FMN1: variants seen among roughly 807,000 people sequenced by gnomAD.
FMN1 encodes formin-1.
A neutral mutation model predicts 132.4 loss-of-function variants in FMN1; 110 were observed. That is an observed-to-expected ratio of 0.83 (90% CI 0.71 to 0.97). FMN1 has a LOEUF of 0.97. Ranked by LOEUF, FMN1 falls within the 50% of genes least tolerant of loss-of-function variation. The probability of loss-of-function intolerance (pLI) is 0.00; values close to 1 mark genes in which losing one functional copy is unlikely to be tolerated. For synonymous variants in FMN1, 722 were observed against 651.7 expected (o/e 1.11, Z -1.64); for missense variants, 1,792 against 1,705.3 (o/e 1.05, Z -0.90).
chr15:33,033,089 GGTA>G, intron 6 of FMN1, among the ~76,000 whole-genome samples: 1 of 152,118 alleles, frequency 6.6e-6, no homozygotes, highest in Non-Finnish European at 1.5e-5. Context: ...GGAGTGCAGT[GGTA>G]CGATCTCGGC....
chr15:32,928,638 G>A (rs1280634758), intron 9 of FMN1, among the ~76,000 whole-genome samples: 2 of 152,132 alleles, frequency 1.3e-5, no homozygotes, highest in African/African-American at 2.4e-5. Flanking sequence ...AAAGAGAAAC[G>A]TTTTGGGAAT....
intron 5 of FMN1, among the ~76,000 whole-genome samples, chr15:33,066,003 AT>A (rs1371583498): frequency 2.0e-5 from 3 of 152,220 alleles, no homozygotes; most frequent in African/African-American, 7.2e-5. Flanking sequence ...CAGAATTAGA[AT>A]AAAAACCCAG....
At chr15:32,901,659 G>C (rs2060299303) in intron 13 of FMN1, among the ~76,000 whole-genome samples, 1 of 152,114 alleles carries the variant, frequency 6.6e-6, no homozygotes, top group African/African-American at 2.4e-5. Context: ...AAGATACTCA[G>C]AATTTTTTAG....
At chr15:33,061,889 CAGAA>C (rs532405312) in intron 6 of FMN1, among the ~76,000 whole-genome samples, 67 of 151,780 alleles carry the variant, frequency 4.4e-4, no homozygotes, top group African/African-American at 1.5e-3. Context: ...AATGGAGTGA[CAGAA>C]AGAGAGAAAA....
chr15:32,992,971 G>T (rs915313934), intron 7 of FMN1, among the ~76,000 whole-genome samples: 2 of 152,024 alleles, frequency 1.3e-5, no homozygotes, highest in Non-Finnish European at 2.9e-5. Context: ...AACATTTCTC[G>T]CCAAGATTGT....
chr15:33,038,649 G>A (rs1000081697), intron 6 of FMN1, among the ~76,000 whole-genome samples: 4 of 152,112 alleles, frequency 2.6e-5, no homozygotes, highest in East Asian at 3.8e-4. Flanking sequence ...TAAAACAGGC[G>A]TGTTTTGTAT....
intron 4 of FMN1, among the ~76,000 whole-genome samples, chr15:33,090,054 A>G (rs138733814): frequency 1.5e-4 from 23 of 152,320 alleles, no homozygotes; most frequent in African/African-American, 4.3e-4. Context: ...TTAATGTTGT[A>G]CTGGACACTT....
intron 15 of FMN1, among the ~76,000 whole-genome samples, chr15:32,897,827 G>A (rs911977203): frequency 2.8e-4 from 43 of 152,072 alleles, no homozygotes; most frequent in African/African-American, 9.4e-4. Context: ...GGGGTCGGCA[G>A]GAAAACAAAA....
intron 5 of FMN1, among the ~76,000 whole-genome samples, chr15:33,072,616 C>T (rs1196794924): frequency 6.6e-6 from 1 of 152,104 alleles, no homozygotes; most frequent in Non-Finnish European, 1.5e-5. Context: ...CAATTGTACC[C>T]CATGGCAAAA....
At chr15:33,168,285 T>C (rs1965186049) in intron 3 of FMN1, among the ~76,000 whole-genome samples, 1 of 152,220 alleles carries the variant, frequency 6.6e-6, no homozygotes, top group African/African-American at 2.4e-5. Flanking sequence ...AGGGGGCCTC[T>C]AATATAAGGA....
chr15:32,969,993 TA>T (rs1567485033), intron 7 of FMN1, among the ~76,000 whole-genome samples: 2 of 152,208 alleles, frequency 1.3e-5, no homozygotes, highest in African/African-American at 4.8e-5. Flanking sequence ...GAAGCCACGA[TA>T]ACTTACTTTT....
intron 9 of FMN1, among the ~76,000 whole-genome samples, chr15:32,928,486 T>C (rs2061020347): frequency 6.6e-6 from 1 of 152,218 alleles, no homozygotes; most frequent in Non-Finnish European, 1.5e-5. Context: ...AAATATTTAC[T>C]GTACACGTTA....
Position 33,131,012 on chromosome 15 carries a change from A to G in FMN1, c.1867+22036T>C, listed in dbSNP as rs566143117. 4.6e-5 allele frequency among the ~76,000 whole-genome samples: 7 copies of G among 152,272 alleles called. No individual in the cohort carries two copies. In the East Asian group the frequency reaches 1.4e-3, roughly 29 times the overall value. ...AGGAGAATCAGATAGAATAATGTCT[A>G]TGAAAGAGCACTGTAAACTGTAAAA... On this transcript the variant is annotated intron_variant, in intron 4 of 20. Coordinates refer to ENST00000616417, the MANE Select transcript of FMN1 (RefSeq NM_001277313.2).
At chr15:32,860,054 A>G (rs867354701) in intron 16 of FMN1, among the ~76,000 whole-genome samples, 1 of 149,594 alleles carries the variant, frequency 6.7e-6, no homozygotes, top group Admixed American at 6.6e-5. Context: ...AGAATGAAAG[A>G]ATGAAAGGAG....
chr15:33,056,828 C>T (rs939036300), intron 6 of FMN1, among the ~76,000 whole-genome samples: 6 of 152,108 alleles, frequency 3.9e-5, no homozygotes, highest in Non-Finnish European at 8.8e-5. Flanking sequence ...ACAAGCATAA[C>T]GTTAACAGAA....
intron 4 of FMN1, among the ~76,000 whole-genome samples, chr15:33,123,339 A>C (rs138577729): frequency 1.3e-5 from 2 of 152,096 alleles, no homozygotes; most frequent in East Asian, 1.9e-4. Context: ...CCATCTACTG[A>C]ATTAGGTAAA....
chr15:33,127,216 A>C (rs1022925043), intron 4 of FMN1, among the ~76,000 whole-genome samples: 1 of 152,210 alleles, frequency 6.6e-6, no homozygotes, highest in African/African-American at 2.4e-5. Context: ...TATAATCTCA[A>C]GAAAAATCAA....
At chr15:33,068,017 C>CA in intron 5 of FMN1, 3 of 1,448,580 alleles carry the variant, frequency 2.1e-6, no homozygotes, top group Non-Finnish European at 2.7e-6. Context: ...GTCAGCCGCA[C>CA]AGCAAACACA....
At chr15:32,899,456 T>C (rs2060242872) in intron 14 of FMN1, among the ~76,000 whole-genome samples, 1 of 152,152 alleles carries the variant, frequency 6.6e-6, no homozygotes, top group African/African-American at 2.4e-5. Flanking sequence ...CTGCCCCCCA[T>C]GGGACGCCTA....
Sources: allele counts gnomAD v4.1 joint callset (sites outside exome capture counted in the v4.1 genomes callset), GRCh38; gene constraint gnomAD v4.1.1; transcripts MANE v1.5; gene names NCBI Gene and HGNC (gene_info 2026-07-23, HGNC 2026-07-21).